Variants in FOXP1 observed in about 807,000 individuals in gnomAD.
FOXP1 encodes the protein forkhead box protein P1.
Under a neutral mutation model 98.2 loss-of-function variants are expected in FOXP1, and 15 were observed. The observed-to-expected ratio is 0.15, with a 90% CI of 0.10 to 0.24. FOXP1 has a LOEUF of 0.24. FOXP1 is among the 10% of genes least tolerant of loss of function. The pLI, the probability that FOXP1 is intolerant of heterozygous loss-of-function variation, is 1.00. For synonymous variants in FOXP1, 371 were observed against 314.5 expected (o/e 1.18, Z -1.90); for missense variants, 633 against 848.5 (o/e 0.75, Z 3.15).
chr3:71,092,027 A>C (rs1052669092), intron 7 of FOXP1, among the ~76,000 whole-genome samples: 4 of 152,080 alleles, frequency 2.6e-5, no homozygotes, highest in Non-Finnish European at 5.9e-5. Flanking sequence ...GTCTCTACTA[A>C]AAATACAAAA....
intron 3 of FOXP1, among the ~76,000 whole-genome samples, chr3:71,410,717 G>A (rs760788009): frequency 1.3e-5 from 2 of 152,148 alleles, no homozygotes; most frequent in Non-Finnish European, 2.9e-5. Flanking sequence ...GATGTATCAT[G>A]GAAGAATCAG....
intron 13 of FOXP1, among the ~76,000 whole-genome samples, chr3:70,998,255 A>ATAGG (rs2041651185): frequency 6.6e-6 from 1 of 152,206 alleles, no homozygotes; most frequent in Non-Finnish European, 1.5e-5. Flanking sequence ...AAAAGCAGCA[A>ATAGG]TAGGTAATCA....
intron 11 of FOXP1, among the ~76,000 whole-genome samples, chr3:71,017,778 C>G (rs1488941869): frequency 6.6e-6 from 1 of 152,082 alleles, no homozygotes; most frequent in Admixed American, 6.6e-5. Flanking sequence ...AATTTACCAG[C>G]TTAAACATGC....
intron 3 of FOXP1, among the ~76,000 whole-genome samples, chr3:71,408,850 G>T (rs1215432892): frequency 6.6e-6 from 1 of 152,060 alleles, no homozygotes; most frequent in South Asian, 2.1e-4. Flanking sequence ...CACTAAATTG[G>T]CTAGAAAAAG....
chr3:71,556,576 C>CAAAAA (rs757217111), intron 2 of FOXP1, among the ~76,000 whole-genome samples: 4 of 29,812 alleles, frequency 1.3e-4, no homozygotes, highest in African/African-American at 2.6e-4. Context: ...GACTCCGTCT[C>CAAAAA]AAAAAAAAAA....
intron 6 of FOXP1, among the ~76,000 whole-genome samples, chr3:71,114,650 C>G (rs1016744657): frequency 1.3e-5 from 2 of 152,186 alleles, no homozygotes; most frequent in African/African-American, 4.8e-5. Flanking sequence ...CTACTGAACT[C>G]ACCACGACCA....
At chr3:71,169,275 G>A (rs535049326) in intron 6 of FOXP1, among the ~76,000 whole-genome samples, 3 of 152,096 alleles carry the variant, frequency 2.0e-5, no homozygotes, top group South Asian at 2.1e-4. Flanking sequence ...CTGCCCTAGC[G>A]TCTTCTAAAC....
intron 7 of FOXP1, among the ~76,000 whole-genome samples, chr3:71,101,564 G>C (rs1174170549): frequency 1.3e-5 from 2 of 151,348 alleles, no homozygotes; most frequent in Non-Finnish European, 1.5e-5. Context: ...GGCCAGACAG[G>C]TTAGAAGGAT....
rs112811533 is a variant in FOXP1 at position 71,389,646 on chromosome 3, C to G, written c.-167-30402G>C. Among the ~76,000 whole-genome samples the G allele has an allele frequency of 3.7e-3, 558 of 152,172 alleles. 5 individuals are homozygous for G. Among genetic ancestry groups the G allele is most frequent in the African/African-American group, 0.013 (540 of 41,502 alleles). ...TGAGTAAATTACAACAATTAAAAAC[C>G]ATTAAAGATAGAATAATTGAGAATA... On this transcript the variant is annotated intron_variant, in intron 3 of 20. Transcript: ENST00000649528.
At position 70,956,756 on chromosome 3, in the gene FOXP1, T is replaced by TTG. The variant is rs1242558145; in HGVS notation, c.*2490_*2491insCA. ...AGTTTTTTTTTTTTTTTTTTTTTTT[T>TTG]TTTTTTTTTTTTTTTTTAAAGTCTT... is the stretch of plus-strand genomic sequence containing the variant. On this transcript the variant is annotated 3_prime_UTR_variant, in exon 21 of 21. Coordinates refer to ENST00000649528, the MANE Select transcript of FOXP1 (RefSeq NM_001349338.3). The TTG allele has an allele frequency of 3.7e-5, 7 of 191,456 alleles. No homozygotes were observed. Among genetic ancestry groups the TTG allele is most frequent in the African/African-American group, 2.0e-4 (7 of 35,786 alleles). 11.9% of individuals were successfully genotyped at this position (191,456 alleles called of 1,614,324 possible).
At chr3:71,417,304 G>T (rs1240254372) in intron 3 of FOXP1, among the ~76,000 whole-genome samples, 1 of 152,142 alleles carries the variant, frequency 6.6e-6, no homozygotes, top group Admixed American at 6.5e-5. Context: ...CATCTGTTTC[G>T]CATTGGCTAT....
At chr3:71,097,799 T>C (rs1312609768) in intron 7 of FOXP1, among the ~76,000 whole-genome samples, 1 of 152,154 alleles carries the variant, frequency 6.6e-6, no homozygotes, top group East Asian at 1.9e-4. Context: ...GCTGGAGAAT[T>C]TCCAGGAAAT....
Position 71,066,230 on chromosome 3 carries a change from A to T in FOXP1, c.283-12457T>A, listed in dbSNP as rs182611782. 1.1e-4 allele frequency among the ~76,000 whole-genome samples: 16 copies of T among 152,330 alleles called. No homozygotes were observed. The East Asian group carries it at 2.9e-3, about 28-fold the overall frequency. On this transcript the variant is annotated intron_variant, in intron 7 of 20. Coordinates refer to ENST00000649528, the MANE Select transcript of FOXP1 (RefSeq NM_001349338.3). The stretch of plus-strand genomic sequence containing the variant: ...AGAATATTGGTAATATTTCCAATCA[A>T]GCAAATGCCTGAATTTCAACAGGGT...
Position 71,179,287 on chromosome 3 carries a change from C to T in FOXP1, c.180+18915G>A, listed in dbSNP as rs376643903. On this transcript the variant is annotated intron_variant, in intron 6 of 20. Coordinates refer to ENST00000649528, the MANE Select transcript of FOXP1 (RefSeq NM_001349338.3). ...GGGATTACAGGTGCCTGCCACCACG[C>T]CCAGCTAATTTTTTTGTATTTTTAG... 9.9e-5 allele frequency among the ~76,000 whole-genome samples: 15 copies of T among 151,958 alleles called. 1 individual carries two copies. Among genetic ancestry groups the T allele is most frequent in the African/African-American group, 3.1e-4 (13 of 41,476 alleles).
chr3:71,537,236 C>T (rs558870645), intron 2 of FOXP1, among the ~76,000 whole-genome samples: 2 of 152,234 alleles, frequency 1.3e-5, no homozygotes, highest in African/African-American at 4.8e-5. Flanking sequence ...CAGAGCCCAG[C>T]AGCCAGCAAG....
chr3:71,338,825 C>T (rs2076842165), intron 4 of FOXP1, among the ~76,000 whole-genome samples: 1 of 152,090 alleles, frequency 6.6e-6, no homozygotes, highest in South Asian at 2.1e-4. Context: ...AACAAAGGTG[C>T]ATTAATGGTT....
intron 3 of FOXP1, among the ~76,000 whole-genome samples, chr3:71,480,859 C>A (rs991224554): frequency 1.3e-5 from 2 of 152,120 alleles, no homozygotes; most frequent in African/African-American, 4.8e-5. Context: ...ACACATATAT[C>A]GGTCTTTCCC....
chr3:71,216,049 G>A (rs2064890341), intron 5 of FOXP1, among the ~76,000 whole-genome samples: 1 of 152,156 alleles, frequency 6.6e-6, no homozygotes. Flanking sequence ...GATTATTAGT[G>A]CACCTGGCAC....
At chr3:71,554,074 A>G (rs2045954422) in intron 2 of FOXP1, among the ~76,000 whole-genome samples, 1 of 152,204 alleles carries the variant, frequency 6.6e-6, no homozygotes, top group Non-Finnish European at 1.5e-5. Context: ...TAGGCTGGAT[A>G]CAGCGGCTCA....
Sources: allele counts gnomAD v4.1 joint callset (sites outside exome capture counted in the v4.1 genomes callset), GRCh38; gene constraint gnomAD v4.1.1; transcripts MANE v1.5; gene names NCBI Gene and HGNC (gene_info 2026-07-23, HGNC 2026-07-21).